SPTAN1: variants seen among roughly 807,000 people sequenced by gnomAD.
The protein encoded by SPTAN1 is spectrin alpha chain, non-erythrocytic 1.
Under a neutral mutation model 331.3 loss-of-function variants are expected in SPTAN1, and 61 were observed. The ratio of observed to expected loss-of-function variants is 0.18; its 90% CI spans 0.15 to 0.23. The LOEUF is 0.23. Ranked by LOEUF, SPTAN1 falls within the 10% of genes least tolerant of loss-of-function variation. The probability of loss-of-function intolerance (pLI) is 1.00; values close to 1 mark genes in which losing one functional copy is unlikely to be tolerated. For synonymous variants in SPTAN1, 1,153 were observed against 1,173.9 expected, an observed-to-expected ratio of 0.98 and a Z score of 0.36; for missense variants, 2,043 against 3,147.9, an observed-to-expected ratio of 0.65 and a Z score of 8.40.
At chr9:128,595,659 T>C (rs564884135) in intron 24 of SPTAN1, among the ~76,000 whole-genome samples, 1 of 152,190 alleles carries the variant, frequency 6.6e-6, no homozygotes, top group South Asian at 2.1e-4. Flanking sequence ...TCCGAAACAT[T>C]TGTGTCACTT....
In SPTAN1 at chr9:128,575,416, T is replaced by G. The variant is rs901872158; in HGVS notation, c.651+71T>G. The G allele has an allele frequency of 3.2e-6, 5 of 1,557,684 alleles. No homozygotes were observed. The African/African-American group carries it at 6.8e-5, about 21-fold the overall frequency. On this transcript the variant is annotated intron_variant, in intron 5 of 56. Coordinates refer to ENST00000372739, the MANE Select transcript of SPTAN1 (RefSeq NM_001130438.3). ...ACTTTTTAGTATATTCAGGATAAAA[T>G]TTTGATGATTGGTCCCCTAATTTCT...
At chr9:128,558,439 C>T (rs1848907191) in intron 1 of SPTAN1, among the ~76,000 whole-genome samples, 1 of 152,156 alleles carries the variant, frequency 6.6e-6, no homozygotes. Flanking sequence ...CTTCATTTCC[C>T]CTCCTTCAGT....
chr9:128,584,450 C>T lies in SPTAN1; in HGVS notation c.2362C>T (p.Gln788Ter). Reference sequence around the variant, plus strand: ...GCTGGCCGATTCTCTGCGGTTGCAGCAGCTCTTCCGGGATGTTGAGGATGA... The same window carrying T: ...GCTGGCCGATTCTCTGCGGTTGCAGTAGCTCTTCCGGGATGTTGAGGATGA... ...QKLADSLRLQ[Q>*]LFRDVEDEET... Residue 788 changes from glutamine (Q) to a stop codon, truncating the protein, a stop_gained, in exon 17 of 57, where the codon CAG becomes TAG. Coordinates refer to ENST00000372739, the MANE Select transcript of SPTAN1 (RefSeq NM_001130438.3). LOFTEE classifies it high-confidence loss of function. 6.2e-7 allele frequency: 1 copy of T among 1,614,104 alleles called. No homozygotes were observed. The highest frequency in any genetic ancestry group is 8.5e-7 in the Non-Finnish European group (1 of 1,180,002).
In SPTAN1 at chr9:128,626,600, G is replaced by C; in HGVS notation, c.6489G>C (p.Lys2163Asn). Residue 2163 changes from lysine to asparagine, a missense_variant, in exon 49 of 57, where the codon AAG (lysine) becomes AAC (asparagine). Transcript: ENST00000372739. Reference sequence around the variant, plus strand: ...TGGCCGAGCTGGACCGCCAGATCAAGAGCTTCCGCGTAGCCTCCAACCCCT... The same window carrying C: ...TGGCCGAGCTGGACCGCCAGATCAACAGCTTCCGCGTAGCCTCCAACCCCT... ...NQLAELDRQIKSFRVASNPYT... is the reference protein window; with the variant it reads ...NQLAELDRQINSFRVASNPYT... The C allele has an allele frequency of 6.2e-7, 1 of 1,614,056 alleles. No individual in the cohort carries two copies. The highest frequency in any genetic ancestry group is 8.5e-7 in the Non-Finnish European group (1 of 1,179,984).
At chr9:128,561,859 C>T (rs1241989787) in intron 1 of SPTAN1, among the ~76,000 whole-genome samples, 1 of 151,810 alleles carries the variant, frequency 6.6e-6, no homozygotes, top group Non-Finnish European at 1.5e-5. Flanking sequence ...TATTTCCAAG[C>T]TCTGAATATA....
At chr9:128,559,537 C>T (rs1485881139) in intron 1 of SPTAN1, among the ~76,000 whole-genome samples, 1 of 152,078 alleles carries the variant, frequency 6.6e-6, no homozygotes, top group Non-Finnish European at 1.5e-5. Flanking sequence ...TGTGCAGTGT[C>T]GTTATTGTTC....
At chr9:128,585,331 G>A (rs557139634) in intron 18 of SPTAN1, among the ~76,000 whole-genome samples, 2 of 152,148 alleles carry the variant, frequency 1.3e-5, no homozygotes, top group African/African-American at 2.4e-5. Context: ...GCCTGGCTCC[G>A]AGCCTGAATT....
intron 52 of SPTAN1, 193 bp from the exon 53 acceptor site, chr9:128,631,934 G>GTC: frequency 3.2e-6 from 2 of 622,588 alleles, no homozygotes; most frequent in Admixed American, 5.8e-5. Context: ...CACATTGAAA[G>GTC]TCTCTCCCTC....
At position 128,618,128 on chromosome 9, in the gene SPTAN1, A is replaced by T; in HGVS notation, c.5600+20A>T. 1 of 1,612,250 alleles carries T rather than the reference A, an allele frequency of 6.2e-7. No homozygotes were observed. Among genetic ancestry groups the T allele is most frequent in the Non-Finnish European group, 8.5e-7 (1 of 1,179,692 alleles). ...TGCCCGGTGAGTAGTCAGAGGCAGG[A>T]GCTCCCGGGAACAAGTGGAAGGCCA... On this transcript the variant is annotated intron_variant, in intron 43 of 56. Coordinates refer to ENST00000372739, the MANE Select transcript of SPTAN1 (RefSeq NM_001130438.3).
chr9:128,624,539 C>T (rs775398517), intron 46 of SPTAN1, 52 bp downstream of exon 46: 1 of 1,599,194 alleles, frequency 6.3e-7, no homozygotes, highest in East Asian at 2.2e-5. Context: ...TGCTCTTTGT[C>T]TCCTTCCGTG....
rs1468986907 is a variant in SPTAN1 at position 128,625,447 on chromosome 9, A to G, written c.6069+268A>G. ...TTCAGCAGGCGAGGGTTGAAGGGGC[A>G]AGTTCTCCTAAGCGAAATCATGAGG... On this transcript the variant is annotated intron_variant, in intron 47 of 56. Coordinates refer to ENST00000372739, the MANE Select transcript of SPTAN1 (RefSeq NM_001130438.3). This position sits in a 1 kb window ranked among gnomAD's most constrained non-coding sequence, Gnocchi z 4.1. Among the ~76,000 whole-genome samples, 1 of 152,168 alleles carries G rather than the reference A, an allele frequency of 6.6e-6. No individual in the cohort carries two copies. Among genetic ancestry groups the G allele is most frequent in the Non-Finnish European group, 1.5e-5 (1 of 68,032 alleles).
intron 1 of SPTAN1, among the ~76,000 whole-genome samples, chr9:128,563,019 T>C (rs1334709829): frequency 7.0e-6 from 1 of 143,788 alleles, no homozygotes; most frequent in African/African-American, 2.6e-5. Context: ...TATATATATA[T>C]ATATATATGT....
chr9:128,589,290 CT>C lies in SPTAN1; in HGVS notation c.3006+363del, dbSNP rs1171749676. On this transcript the variant is annotated intron_variant, in intron 21 of 56. Transcript: ENST00000372739. Reference sequence around the variant, plus strand: ...GGTTCTTTTTTTTTCTTTTTCTTTTCTTTTTTTTTTTTTTTTGAGACAGAGT... The same window carrying C: ...GGTTCTTTTTTTTTCTTTTTCTTTTCTTTTTTTTTTTTTTTGAGACAGAGT... 3.2e-3 allele frequency among the ~76,000 whole-genome samples: 401 copies of C among 126,942 alleles called. 3 individuals are homozygous for C. Among genetic ancestry groups the C allele is most frequent in the South Asian group, 0.017 (68 of 3,970 alleles). The allele number at this position is 126,942 out of a possible 152,430, so 83.3% of individuals were successfully genotyped here.
At chr9:128,606,374 CAAAAA>C (rs59257779) in intron 31 of SPTAN1, among the ~76,000 whole-genome samples, 3 of 58,770 alleles carry the variant, frequency 5.1e-5, no homozygotes, top group East Asian at 7.2e-4. Context: ...GACTCTGCCT[CAAAAA>C]AAAAAAAAAA....
rs567076921 is a variant in SPTAN1, at chr9:128,561,110, C to T, written c.-3-5628C>T. Among the ~76,000 whole-genome samples the T allele has an allele frequency of 2.0e-5, 3 of 152,050 alleles. No homozygotes were observed. The East Asian group carries it at 5.8e-4, about 29-fold the overall frequency. On this transcript the variant is annotated intron_variant, in intron 1 of 56. Coordinates refer to ENST00000372739, the MANE Select transcript of SPTAN1 (RefSeq NM_001130438.3). ...GTCGGCCAGGCACGGTGGTTCACGC[C>T]TGTAATCCCAGCACTTTGGGAGGCC...
In SPTAN1 at chr9:128,632,222, G is replaced by A. The variant is rs750291744; in HGVS notation, c.6858G>A (p.Lys2286=). Residue 2286 remains lysine (K), a synonymous_variant, in exon 53 of 57, where the codon AAG becomes AAA. Transcript: ENST00000372739. The part of the protein sequence containing the change: ...AMEEALILDN[K]YTEHSTVGLA... The stretch of plus-strand genomic sequence containing the variant: ...AGGAGGCCCTCATCCTGGACAACAA[G>A]TACACGGAGCACAGCACCGTGGGCC... 40 of 1,613,422 alleles carry A rather than the reference G, an allele frequency of 2.5e-5. No individual in the cohort carries two copies. Among genetic ancestry groups the A allele is most frequent in the East Asian group, 6.7e-5 (3 of 44,882 alleles).
rs757578154 is a variant in SPTAN1 at position 128,582,750 on chromosome 9, A to G, written c.1707A>G (p.Leu569=). Reference sequence around the variant, plus strand: ...GAGCCATGCGTCGCCGGGCCCAGCTAGCCGATTCTTTCCATCTGCAGCAGT... The same window carrying G: ...GAGCCATGCGTCGCCGGGCCCAGCTGGCCGATTCTTTCCATCTGCAGCAGT... ...HERAMRRRAQ[L]ADSFHLQQFF... is the part of the protein sequence containing the mutation. The change falls in exon 14 of 57, where the codon CTA becomes CTG. Residue 569 remains leucine (L), a synonymous_variant. Coordinates refer to ENST00000372739, the MANE Select transcript of SPTAN1 (RefSeq NM_001130438.3). The G allele has an allele frequency of 3.1e-6, 5 of 1,613,984 alleles. No individual in the cohort carries two copies. The African/African-American group carries it at 6.7e-5, about 22-fold the overall frequency.
In SPTAN1 at chr9:128,625,574, G is replaced by A. The variant is rs968363482; in HGVS notation, c.6070-195G>A. On this transcript the variant is annotated intron_variant, in intron 47 of 56. Coordinates refer to ENST00000372739, the MANE Select transcript of SPTAN1 (RefSeq NM_001130438.3). The surrounding 1 kb of genome is among the most constrained non-coding windows in gnomAD (Gnocchi z 4.1). The stretch of plus-strand genomic sequence containing the variant: ...AGCGGAAGGCTGGGGTCAGGGAGGT[G>A]GGAGGAGGCTGCCGCAGTGATCTGC... Among the ~76,000 whole-genome samples, 1 of 152,202 alleles carries A rather than the reference G, an allele frequency of 6.6e-6. No homozygotes were observed. Among genetic ancestry groups the A allele is most frequent in the Non-Finnish European group, 1.5e-5 (1 of 68,044 alleles).
In SPTAN1 at chr9:128,599,003, G is replaced by A. The variant is rs1393931035; in HGVS notation, c.3543+17G>A. 3 of 1,613,254 alleles carry A rather than the reference G, an allele frequency of 1.9e-6. No individual in the cohort carries two copies. Among genetic ancestry groups the A allele is most frequent in the Admixed American group, 1.7e-5 (1 of 60,022 alleles). ...ATGCCCAGGGTAAGTTTCGGGTGCT[G>A]TGTGTGGATCTTGAACATGAGAAGG... On this transcript the variant is annotated intron_variant, in intron 26 of 56. Transcript: ENST00000372739.
Sources: gnomAD v4.1 joint callset for allele counts (sites outside exome capture counted in the v4.1 genomes callset) on GRCh38, gnomAD v4.1.1 for gene constraint, Gnocchi (gnomAD v3.1) non-coding constraint, MANE v1.5 for transcripts, NCBI Gene and HGNC (gene_info 2026-07-23, HGNC 2026-07-21) for gene names.